Variants in RGS6 observed in about 807,000 individuals in gnomAD.
RGS6 encodes the protein regulator of G-protein signaling 6.
In RGS6, 30 loss-of-function variants were observed where a neutral mutation model predicts 78.5. The ratio of observed to expected loss-of-function variants is 0.38; its 90% CI spans 0.29 to 0.52. RGS6 has a LOEUF of 0.52. RGS6 is among the 20% of genes least tolerant of loss of function. The pLI, the probability that RGS6 is intolerant of heterozygous loss-of-function variation, is 0.85. For synonymous variants in RGS6, 206 were observed against 206.0 expected (o/e 1.00, Z 0.00); for missense variants, 495 against 609.7 (o/e 0.81, Z 1.98).
intron 3 of RGS6, among the ~76,000 whole-genome samples, chr14:72,384,067 C>T (rs914062837): frequency 5.9e-5 from 9 of 152,194 alleles, no homozygotes; most frequent in African/African-American, 1.9e-4. Flanking sequence ...CCAGCACACT[C>T]AGTGACACAC....
chr14:72,620,060 A>G, the RGS6 span: 1 of 1,415,442 alleles, frequency 7.1e-7, no homozygotes, highest in East Asian at 2.6e-5. Flanking sequence ...CCGCTTACCC[A>G]TCAGCCTTAT....
intron 2 of RGS6, among the ~76,000 whole-genome samples, chr14:72,013,490 T>G (rs532007405): frequency 2.8e-5 from 4 of 141,392 alleles, no homozygotes; most frequent in Non-Finnish European, 4.4e-5. Flanking sequence ...AGTAGGCAGA[T>G]TCATATATTG....
rs149688778 is a variant in RGS6 at position 72,171,164 on chromosome 14, G to A, written c.85-180931G>A. On this transcript the variant is annotated intron_variant, in intron 2 of 17. Transcript: ENST00000553525. ...TACATGCACACACATACATGCACACGTGCTGAGGAGGAAAAAAAAGCTGAA... is the reference window on the plus strand; with the variant it reads ...TACATGCACACACATACATGCACACATGCTGAGGAGGAAAAAAAAGCTGAA... 6.4e-3 allele frequency among the ~76,000 whole-genome samples: 964 copies of A among 151,782 alleles called. 29 individuals are homozygous for A. The highest frequency in any genetic ancestry group is 0.056 in the Admixed American group (850 of 15,250).
chr14:72,594,631 ATCTT>A, the RGS6 span: 1 of 152,146 alleles, frequency 6.6e-6, no homozygotes, highest in South Asian at 2.1e-4. Context: ...ACATCGCACC[ATCTT>A]TCACTGGCTG....
chr14:72,566,930 C>T (rs748921634), downstream of RGS6, among the ~76,000 whole-genome samples: 22 of 152,258 alleles, frequency 1.4e-4, no homozygotes, highest in Non-Finnish European at 2.5e-4. Context: ...TGCATACAGA[C>T]GGTGCTTCTT....
intron 1 of RGS6, among the ~76,000 whole-genome samples, chr14:71,946,611 A>T (rs1043402971): frequency 6.6e-6 from 1 of 152,176 alleles, no homozygotes; most frequent in African/African-American, 2.4e-5. Flanking sequence ...GGGAGAGATG[A>T]CTTCCTGCTG....
chr14:72,388,494 T>C (rs531354376), intron 3 of RGS6, among the ~76,000 whole-genome samples: 1 of 152,324 alleles, frequency 6.6e-6, no homozygotes, highest in South Asian at 2.1e-4. Flanking sequence ...TGAACTTCTG[T>C]TTCGAGTCCC....
At chr14:72,161,408 G>A (rs936490336) in intron 2 of RGS6, among the ~76,000 whole-genome samples, 2 of 152,122 alleles carry the variant, frequency 1.3e-5, no homozygotes, top group African/African-American at 4.8e-5. Flanking sequence ...CAATAAAGAG[G>A]AGGTGATGGT....
At chr14:72,535,591 T>A (rs2097239527) in intron 15 of RGS6, among the ~76,000 whole-genome samples, 1 of 152,204 alleles carries the variant, frequency 6.6e-6, no homozygotes, top group African/African-American at 2.4e-5. Flanking sequence ...ATGTGTGCAT[T>A]TAGTTCTATA....
At chr14:72,295,906 A>G (rs1019373005) in intron 2 of RGS6, among the ~76,000 whole-genome samples, 3 of 152,250 alleles carry the variant, frequency 2.0e-5, no homozygotes, top group African/African-American at 7.2e-5. Flanking sequence ...AGTGAAATAC[A>G]TAGCTTTTAA....
the RGS6 span, among the ~76,000 whole-genome samples, chr14:71,879,238 T>G: frequency 6.6e-6 from 1 of 152,236 alleles, no homozygotes; most frequent in Admixed American, 6.5e-5. Flanking sequence ...CTTGAAGGTA[T>G]AACAGTTAAT....
intron 12 of RGS6, among the ~76,000 whole-genome samples, chr14:72,480,285 G>A (rs1433078240): frequency 6.6e-6 from 1 of 152,216 alleles, no homozygotes; most frequent in Non-Finnish European, 1.5e-5. Context: ...CAGCATGAGG[G>A]AGGCAGACTC....
chr14:72,197,255 G>A (rs1373026893), intron 2 of RGS6, among the ~76,000 whole-genome samples: 4 of 152,086 alleles, frequency 2.6e-5, no homozygotes, highest in African/African-American at 7.2e-5. Context: ...TAATAGAGAT[G>A]GGGTTTTACT....
intron 2 of RGS6, among the ~76,000 whole-genome samples, chr14:72,246,905 CAAAAA>C (rs10534194): frequency 5.4e-4 from 79 of 145,314 alleles, no homozygotes; most frequent in Non-Finnish European, 5.9e-4. Flanking sequence ...GACTCCATCT[CAAAAA>C]AAAAAAAAAA....
chr14:72,110,427 C>T (rs1481727663), intron 2 of RGS6, among the ~76,000 whole-genome samples: 1 of 152,204 alleles, frequency 6.6e-6, no homozygotes, highest in East Asian at 1.9e-4. Flanking sequence ...TCTCTATCCC[C>T]TCCCAACACA....
intron 3 of RGS6, among the ~76,000 whole-genome samples, chr14:72,451,144 A>G (rs139351174): frequency 4.3e-4 from 65 of 152,264 alleles, no homozygotes; most frequent in Non-Finnish European, 8.4e-4. Flanking sequence ...GGCGGAGTAG[A>G]TGCCACTGCA....
At chr14:72,540,341 C>A in intron 17 of RGS6, 1 of 1,460,364 alleles carries the variant, frequency 6.8e-7, no homozygotes, top group Non-Finnish European at 9.0e-7. Flanking sequence ...CAGCCTCAGG[C>A]CTGGGCATTT....
intron 2 of RGS6, among the ~76,000 whole-genome samples, chr14:72,080,577 T>A (rs976429804): frequency 6.6e-6 from 1 of 152,128 alleles, no homozygotes; most frequent in African/African-American, 2.4e-5. Flanking sequence ...TAGAACCTGA[T>A]CAAAAAATTA....
chr14:72,555,326 C>G (rs1301180545), intron 17 of RGS6, among the ~76,000 whole-genome samples: 2 of 152,240 alleles, frequency 1.3e-5, no homozygotes, highest in Non-Finnish European at 2.9e-5. Flanking sequence ...CCATGGTGAC[C>G]TGCACCCCAG....
Sources: gnomAD v4.1 joint callset for allele counts (sites outside exome capture counted in the v4.1 genomes callset) on GRCh38, gnomAD v4.1.1 for gene constraint, MANE v1.5 for transcripts, NCBI Gene and HGNC (gene_info 2026-07-23, HGNC 2026-07-21) for gene names.